Variants in IL20RB observed in about 807,000 individuals in gnomAD.
IL20RB encodes interleukin-20 receptor subunit beta.
IL20RB carries 21 observed loss-of-function variants against 33.3 expected under a neutral mutation model. The observed-to-expected ratio is 0.63, with a 90% CI of 0.45 to 0.91. IL20RB has a LOEUF of 0.91. IL20RB is among the 40% of genes least tolerant of loss of function. The pLI, the probability that IL20RB is intolerant of heterozygous loss-of-function variation, is 0.00. For missense variants in IL20RB, 345 were observed against 384.8 expected (o/e 0.90, Z 0.86); for synonymous variants, 147 against 146.8 (o/e 1.00, Z -0.01).
At chr3:136,980,045 A>G (rs568322189) in intron 1 of IL20RB, among the ~76,000 whole-genome samples, 46 of 152,334 alleles carry the variant, frequency 3.0e-4, no homozygotes, top group Admixed American at 2.6e-3. Context: ...CATTTGTACA[A>G]TGGAAAAACT....
At chr3:136,984,892 T>C (rs1382821550) in intron 3 of IL20RB, among the ~76,000 whole-genome samples, 1 of 152,138 alleles carries the variant, frequency 6.6e-6, no homozygotes, top group Non-Finnish European at 1.5e-5. Context: ...ACTGCAAAAC[T>C]GCCACTACCT....
intron 3 of IL20RB, among the ~76,000 whole-genome samples, chr3:136,985,724 C>T (rs995075782): frequency 2.6e-5 from 4 of 152,124 alleles, no homozygotes; most frequent in Admixed American, 2.0e-4. Flanking sequence ...GCTTTAGAAT[C>T]AATTATGCCT....
chr3:137,006,370 G>A (rs1044740754), intron 6 of IL20RB, among the ~76,000 whole-genome samples: 1 of 152,046 alleles, frequency 6.6e-6, no homozygotes, highest in African/African-American at 2.4e-5. Context: ...TTTCCAACTT[G>A]GTTCCATTCT....
intron 1 of IL20RB, among the ~76,000 whole-genome samples, chr3:136,979,183 G>A (rs1941706864): frequency 1.3e-5 from 2 of 152,252 alleles, no homozygotes; most frequent in Non-Finnish European, 2.9e-5. Context: ...TGGGGGTCAG[G>A]AAGACTGCCT....
intron 3 of IL20RB, among the ~76,000 whole-genome samples, chr3:136,987,317 A>C (rs1941927005): frequency 1.3e-5 from 2 of 152,024 alleles, no homozygotes. Flanking sequence ...TATAGACACA[A>C]AGGTTCTCCA....
chr3:136,989,924 G>A (rs973497565), intron 4 of IL20RB, among the ~76,000 whole-genome samples: 1 of 152,128 alleles, frequency 6.6e-6, no homozygotes, highest in Non-Finnish European at 1.5e-5. Context: ...AGGATTTGTA[G>A]ATCAACAGGA....
chr3:136,960,249 G>A (rs542110826), intron 1 of IL20RB, among the ~76,000 whole-genome samples: 1 of 142,328 alleles, frequency 7.0e-6, no homozygotes, highest in Admixed American at 7.6e-5. Context: ...CCAGGTTCAA[G>A]CGATTCTCCT....
chr3:136,980,076 A>C (rs900810230), intron 1 of IL20RB, among the ~76,000 whole-genome samples: 1 of 152,226 alleles, frequency 6.6e-6, no homozygotes, highest in Non-Finnish European at 1.5e-5. Context: ...ACCTCCCAGT[A>C]TGGTCATGAG....
chr3:136,974,408 T>A (rs1941566051), intron 1 of IL20RB, among the ~76,000 whole-genome samples: 1 of 152,224 alleles, frequency 6.6e-6, no homozygotes, highest in African/African-American at 2.4e-5. Flanking sequence ...TTTTGCCAGA[T>A]GTAATAGTCT....
Position 136,980,589 on chromosome 3 carries a change from AG to A in IL20RB, c.215+1del, listed in dbSNP as rs771839384. ...ACAGTGTACTATTCTGTCGAATACC[AG>A]GGGTGAGTTTTTTCTTTTAATAGTT... ...GETVYYSVEY[Q>X]GEYESLYTSH... On this transcript the variant is annotated frameshift_variant and splice_region_variant, in exon 2 of 7. Coordinates refer to ENST00000329582, the MANE Select transcript of IL20RB (RefSeq NM_144717.4). LOFTEE classifies it high-confidence loss of function. The A allele has an allele frequency of 3.7e-6, 6 of 1,614,012 alleles. No homozygotes were observed. Among genetic ancestry groups the A allele is most frequent in the Non-Finnish European group, 5.1e-6 (6 of 1,180,014 alleles).
intron 1 of IL20RB, among the ~76,000 whole-genome samples, chr3:136,969,686 C>T (rs976095091): frequency 1.3e-5 from 2 of 152,074 alleles, no homozygotes; most frequent in South Asian, 2.1e-4. Flanking sequence ...AGCTGTAGAC[C>T]GGAGCTGTTC....
intron 1 of IL20RB, among the ~76,000 whole-genome samples, chr3:136,971,308 T>A (rs1234402126): frequency 6.6e-6 from 1 of 152,140 alleles, no homozygotes; most frequent in Non-Finnish European, 1.5e-5. Context: ...TTTTTGTATT[T>A]TTAGTAGAGA....
At chr3:136,998,371 A>G (rs1230033246) in intron 6 of IL20RB, among the ~76,000 whole-genome samples, 1 of 151,310 alleles carries the variant, frequency 6.6e-6, no homozygotes, top group South Asian at 2.1e-4. Context: ...ATATAGTCAT[A>G]TATATTTTTA....
chr3:136,991,756 C>T (rs1041091773), intron 4 of IL20RB, among the ~76,000 whole-genome samples, 182 bp from the exon 5 acceptor site: 2 of 152,082 alleles, frequency 1.3e-5, no homozygotes, highest in Non-Finnish European at 2.9e-5. Context: ...TTACAGGCAC[C>T]CACCACCATG....
In IL20RB at chr3:136,982,320, A is replaced by G. The variant is rs946632503; in HGVS notation, c.376A>G (p.Ile126Val). ...GGGCTCACAGACCTCAGCCTGGAGC[A>G]TCCTGAAGCATCCCTTTAATAGAAA... ...TLGSQTSAWS[I>V]LKHPFNRNST... Residue 126 changes from isoleucine (I) to valine (V), a missense_variant, in exon 3 of 7, where the codon ATC becomes GTC. Physicochemically the swap from Ile to Val is conservative, Grantham distance 29. Coordinates refer to ENST00000329582, the MANE Select transcript of IL20RB (RefSeq NM_144717.4). 6.3e-7 allele frequency: 1 copy of G among 1,599,672 alleles called. No homozygotes were observed. The highest frequency in any genetic ancestry group is 1.1e-5 in the South Asian group (1 of 90,332).
chr3:136,998,566 T>A (rs1172862016), intron 6 of IL20RB, among the ~76,000 whole-genome samples: 1 of 151,902 alleles, frequency 6.6e-6, no homozygotes, highest in Admixed American at 6.6e-5. Context: ...TTTGATTTTT[T>A]TTATCTGAAA....
rs765932819 is a variant in IL20RB, at chr3:136,989,584, C to A, written c.531+19C>A. ...TGCCGAGGTGAGACTCCAGCCTTGG[C>A]CTTTGGGTCAGGCTTCGGGAAAGAA... On this transcript the variant is annotated intron_variant, in intron 4 of 6. Coordinates refer to ENST00000329582, the MANE Select transcript of IL20RB (RefSeq NM_144717.4). The A allele has an allele frequency of 1.2e-6, 2 of 1,613,030 alleles. No individual in the cohort carries two copies. Among genetic ancestry groups the A allele is most frequent in the South Asian group, 1.1e-5 (1 of 91,020 alleles).
At position 136,995,478 on chromosome 3, in the gene IL20RB, C is replaced by G. The variant is rs562252662; in HGVS notation, c.747C>G (p.Val249=). 6.2e-7 allele frequency: 1 copy of G among 1,614,096 alleles called. No homozygotes were observed. Among genetic ancestry groups the G allele is most frequent in the Non-Finnish European group, 8.5e-7 (1 of 1,180,026 alleles). ...TTGGCTTCATGCTGATCCTTGTGGTCGTGCCACTGTTCGTCTGGAAAATGG... is the reference window on the plus strand; with the variant it reads ...TTGGCTTCATGCTGATCCTTGTGGTGGTGCCACTGTTCGTCTGGAAAATGG... The part of the protein sequence containing the change: ...AFVGFMLILV[V]VPLFVWKMGR... The change falls in exon 6 of 7, where the codon GTC becomes GTG. Residue 249 remains valine (V), a synonymous_variant. Coordinates refer to ENST00000329582, the MANE Select transcript of IL20RB (RefSeq NM_144717.4).
At chr3:136,962,912 T>G (rs1274404067) in intron 1 of IL20RB, among the ~76,000 whole-genome samples, 1 of 150,704 alleles carries the variant, frequency 6.6e-6, no homozygotes, top group African/African-American at 2.4e-5. Flanking sequence ...TGATGAAATC[T>G]GATTAAATAC....
Sources: gnomAD v4.1 joint callset for allele counts (sites outside exome capture counted in the v4.1 genomes callset) on GRCh38, gnomAD v4.1.1 for gene constraint, MANE v1.5 for transcripts, NCBI Gene and HGNC (gene_info 2026-07-23, HGNC 2026-07-21) for gene names.